Variants in FHOD3 observed in about 807,000 individuals in gnomAD.
FHOD3 encodes the protein formin homology 2 domain containing 3.
Under a neutral mutation model 173.0 loss-of-function variants are expected in FHOD3, and 90 were observed. The observed-to-expected ratio is 0.52, with a 90% confidence interval of 0.44 to 0.62. The LOEUF is 0.62. FHOD3 is among the 20% of genes least tolerant of loss of function. FHOD3 has a pLI of 0.00. For missense variants in FHOD3, 1,945 were observed against 2,034.7 expected (o/e 0.96, Z 0.85); for synonymous variants, 828 against 823.0 (o/e 1.01, Z -0.10).
intron 3 of FHOD3, among the ~76,000 whole-genome samples, chr18:36,498,298 A>T (rs2054849194): frequency 6.6e-6 from 1 of 152,200 alleles, no homozygotes; most frequent in Admixed American, 6.5e-5. Context: ...TGAAGAAACT[A>T]GAAGAGCAAA....
At chr18:36,582,177 C>A (rs1024844018) in intron 6 of FHOD3, among the ~76,000 whole-genome samples, 1 of 152,118 alleles carries the variant, frequency 6.6e-6, no homozygotes, top group African/African-American at 2.4e-5. Context: ...GAGCTAAGTG[C>A]CATGGAGCCT....
chr18:36,380,631 T>A (rs754224961), intron 3 of FHOD3, among the ~76,000 whole-genome samples: 1 of 147,824 alleles, frequency 6.8e-6, no homozygotes. Context: ...TCCTTTCCTT[T>A]CCTTTCCTTT....
chr18:36,554,924 T>C (rs549696708), intron 5 of FHOD3, among the ~76,000 whole-genome samples: 1 of 152,350 alleles, frequency 6.6e-6, no homozygotes, highest in South Asian at 2.1e-4. Flanking sequence ...TAATCTCATT[T>C]CTGGTATATG....
rs539433253 is a variant in FHOD3 at position 36,378,848 on chromosome 18, AT to A, written c.337+6112del. Among the ~76,000 whole-genome samples the A allele has an allele frequency of 6.9e-4, 105 of 151,350 alleles. 1 individual carries two copies. Among genetic ancestry groups the A allele is most frequent in the Non-Finnish European group, 1.2e-3 (81 of 67,836 alleles). On this transcript the variant is annotated intron_variant, in intron 3 of 28. Transcript: ENST00000590592. Reference sequence around the variant, plus strand: ...CAGGCATGCACCACCATGCCCAGCTATTTTTTTTGTATTTTTAGTAAAGACA... The same window carrying A: ...CAGGCATGCACCACCATGCCCAGCTATTTTTTTGTATTTTTAGTAAAGACA...
intron 14 of FHOD3, among the ~76,000 whole-genome samples, chr18:36,673,032 A>AT (rs2037632563): frequency 6.6e-6 from 1 of 152,264 alleles, no homozygotes; most frequent in South Asian, 2.1e-4. Flanking sequence ...GTCTATTTGC[A>AT]GGTAATTAGA....
At chr18:36,379,413 A>T (rs2047623638) in intron 3 of FHOD3, among the ~76,000 whole-genome samples, 1 of 152,080 alleles carries the variant, frequency 6.6e-6, no homozygotes, top group African/African-American at 2.4e-5. Context: ...CTTCTTTAGG[A>T]CTTGGTTACC....
chr18:36,742,718 A>ATTTTTTTTTT lies in FHOD3; in HGVS notation c.3760-10_3760-9insTTTTTTTTTT. ...CAAATTGTACACTCTTTATTGTCTAATTTTTTTTTAACTGAAAGGAAGTAG... is the reference window on the plus strand; with the variant it reads ...CAAATTGTACACTCTTTATTGTCTAATTTTTTTTTTTTTTTTTTTAACTGAAAGGAAGTAG... On this transcript the variant is annotated intron_variant, in intron 21 of 28. Transcript: ENST00000590592. 1 of 1,558,454 alleles carries ATTTTTTTTTT rather than the reference A, an allele frequency of 6.4e-7. No individual in the cohort carries two copies. The highest frequency in any genetic ancestry group is 8.7e-7 in the Non-Finnish European group (1 of 1,147,490).
At chr18:36,466,499 G>A (rs1395761863) in intron 3 of FHOD3, among the ~76,000 whole-genome samples, 1 of 152,140 alleles carries the variant, frequency 6.6e-6, no homozygotes, top group Non-Finnish European at 1.5e-5. Flanking sequence ...AATAATACAT[G>A]GAGGTTACAC....
chr18:36,415,506 C>G (rs1363872545), intron 3 of FHOD3, among the ~76,000 whole-genome samples: 1 of 152,188 alleles, frequency 6.6e-6, no homozygotes, highest in African/African-American at 2.4e-5. Context: ...ATTCATACAT[C>G]ATTAAAATTT....
chr18:36,551,472 T>TTTAA (rs202189348), intron 5 of FHOD3, among the ~76,000 whole-genome samples: 1 of 151,988 alleles, frequency 6.6e-6, no homozygotes, highest in African/African-American at 2.4e-5. Flanking sequence ...GATTAATTTA[T>TTTAA]TTAATTAATT....
chr18:36,769,609 G>C (rs1171047860), intron 28 of FHOD3, among the ~76,000 whole-genome samples, 183 bp downstream of exon 28: 1 of 152,184 alleles, frequency 6.6e-6, no homozygotes, highest in Non-Finnish European at 1.5e-5. Flanking sequence ...TGTGGAGGAG[G>C]GGAGCTGCAG....
intron 14 of FHOD3, among the ~76,000 whole-genome samples, chr18:36,673,621 G>T (rs1048464524): frequency 6.6e-6 from 1 of 152,168 alleles, no homozygotes; most frequent in African/African-American, 2.4e-5. Flanking sequence ...GAGACTATGG[G>T]TGAACTTAGC....
At chr18:36,365,879 A>G (rs1291757755) in intron 2 of FHOD3, among the ~76,000 whole-genome samples, 1 of 152,196 alleles carries the variant, frequency 6.6e-6, no homozygotes, top group Non-Finnish European at 1.5e-5. Flanking sequence ...AAACTGGAAG[A>G]TGAGAGAACC....
At chr18:36,774,257 A>T (rs1305907819) in intron 28 of FHOD3, among the ~76,000 whole-genome samples, 1 of 152,208 alleles carries the variant, frequency 6.6e-6, no homozygotes, top group East Asian at 1.9e-4. Context: ...CCACAGGTAT[A>T]GTAGGAGGGC....
chr18:36,442,301 A>G (rs1217395852), intron 3 of FHOD3, among the ~76,000 whole-genome samples: 2 of 152,118 alleles, frequency 1.3e-5, no homozygotes, highest in African/African-American at 4.8e-5. Context: ...CTTTCAAGGT[A>G]TATTCTTGAT....
At chr18:36,475,526 A>C (rs1371066607) in intron 3 of FHOD3, among the ~76,000 whole-genome samples, 3 of 152,172 alleles carry the variant, frequency 2.0e-5, no homozygotes, top group Non-Finnish European at 4.4e-5. Flanking sequence ...TAAACACAAA[A>C]GAAATTGAGA....
intron 14 of FHOD3, among the ~76,000 whole-genome samples, chr18:36,670,399 A>G (rs1251756668): frequency 6.6e-6 from 1 of 152,064 alleles, no homozygotes; most frequent in Non-Finnish European, 1.5e-5. Flanking sequence ...CACAAAGTTC[A>G]CTGGTGGTCT....
intron 3 of FHOD3, among the ~76,000 whole-genome samples, chr18:36,463,130 G>C (rs1182489034): frequency 6.6e-6 from 1 of 151,744 alleles, no homozygotes; most frequent in Non-Finnish European, 1.5e-5. Context: ...ATGTTAATGG[G>C]AATTTTATCA....
At chr18:36,549,994 T>A (rs1231136285) in intron 5 of FHOD3, among the ~76,000 whole-genome samples, 2 of 151,778 alleles carry the variant, frequency 1.3e-5, no homozygotes, top group African/African-American at 4.8e-5. Flanking sequence ...GGATCAAAGT[T>A]TTATGTCGTT....
Sources: gnomAD v4.1 joint callset for allele counts (sites outside exome capture counted in the v4.1 genomes callset) on GRCh38, gnomAD v4.1.1 for gene constraint, MANE v1.5 for transcripts, NCBI Gene and HGNC (gene_info 2026-07-23, HGNC 2026-07-21) for gene names.